TMED3: variants seen among roughly 807,000 people sequenced by gnomAD.
The protein encoded by TMED3 is transmembrane emp24 domain-containing protein 3.
In TMED3, 9 loss-of-function variants were observed where a neutral mutation model predicts 15.0. The observed-to-expected ratio is 0.60, with a 90% confidence interval of 0.36 to 1.04. TMED3 has a LOEUF of 1.04. Among genes scored for constraint, TMED3 ranks in the 50% least tolerant of loss-of-function variants. The pLI, the probability that TMED3 is intolerant of heterozygous loss-of-function variation, is 0.01. For synonymous variants in TMED3, 117 were observed against 121.4 expected (o/e 0.96, Z 0.24); for missense variants, 267 against 278.9 (o/e 0.96, Z 0.30).
At position 79,360,617 on chromosome 15, in the gene TMED3, C is replaced by T. The variant is rs150866760; in HGVS notation, c.417+46612C>T. Among the ~76,000 whole-genome samples, 279 of 152,270 alleles carry T rather than the reference C, an allele frequency of 1.8e-3. 4 individuals are homozygous for T. Among genetic ancestry groups the T allele is most frequent in the African/African-American group, 6.4e-3 (264 of 41,550 alleles). On this transcript the variant is annotated intron_variant, in intron 2 of 2. Coordinates refer to the TMED3 transcript ENST00000424155. The stretch of plus-strand genomic sequence containing the variant: ...ACAGACATCTTTACATATCGTTAGA[C>T]CGCGACATCCCAACAGCAGTGCCTT...
intron 2 of TMED3, among the ~76,000 whole-genome samples, chr15:79,341,859 G>T (rs2058852933): frequency 1.3e-5 from 2 of 152,298 alleles, no homozygotes; most frequent in South Asian, 4.1e-4. Context: ...TGGGGAGGAG[G>T]AGGCGCTTAC....
chr15:79,361,127 T>C (rs553828873), intron 2 of TMED3, among the ~76,000 whole-genome samples: 1 of 152,358 alleles, frequency 6.6e-6, no homozygotes, highest in South Asian at 2.1e-4. Context: ...CCTCCCAAAG[T>C]ACTGGGATTA....
At chr15:79,395,076 TTTC>T (rs1170188155) in intron 2 of TMED3, among the ~76,000 whole-genome samples, 2 of 152,216 alleles carry the variant, frequency 1.3e-5, no homozygotes, top group African/African-American at 2.4e-5. Flanking sequence ...TCTACTCTCT[TTTC>T]TTCTTCTCTG....
Position 79,314,050 on chromosome 15 carries a change from G to T in TMED3, c.417+45G>T, listed in dbSNP as rs188094341. ...TCGGGGCTGCTGAACCCCCTAGCGT[G>T]TTCCTCTTCATTGGCCTCTGTCTAG... On this transcript the variant is annotated intron_variant, in intron 2 of 2. Transcript: ENST00000299705. 2.2e-4 allele frequency: 345 copies of T among 1,603,168 alleles called. 1 individual carries two copies. The East Asian group carries it at 4.7e-3, about 22-fold the overall frequency.
intron 2 of TMED3, among the ~76,000 whole-genome samples, chr15:79,341,680 A>C (rs145331511): frequency 1.3e-5 from 2 of 152,186 alleles, no homozygotes; most frequent in African/African-American, 4.8e-5. Flanking sequence ...AAAAATTCCT[A>C]CTTCACTGGA....
At position 79,322,326 on chromosome 15, in the gene TMED3, T is replaced by C. The variant is rs1373191614; in HGVS notation, c.*112T>C. 1 of 1,506,322 alleles carries C rather than the reference T, an allele frequency of 6.6e-7. No homozygotes were observed. 93.3% of individuals were successfully genotyped at this position (1,506,322 alleles called of 1,614,324 possible). Reference sequence around the variant, plus strand: ...CAGGGTGGAGGCAGAACGATGCTGCTGTGGTAGCCCTTTGCCTTTCATGCC... The same window carrying C: ...CAGGGTGGAGGCAGAACGATGCTGCCGTGGTAGCCCTTTGCCTTTCATGCC... On this transcript the variant is annotated 3_prime_UTR_variant, in exon 3 of 3. Coordinates refer to ENST00000299705, the MANE Select transcript of TMED3 (RefSeq NM_007364.4).
intron 2 of TMED3, among the ~76,000 whole-genome samples, chr15:79,408,737 T>C (rs1893934243): frequency 6.6e-6 from 1 of 152,216 alleles, no homozygotes; most frequent in South Asian, 2.1e-4. Flanking sequence ...GGTTTCATTT[T>C]TCTCACCTTT....
chr15:79,360,400 G>A (rs6495401), intron 2 of TMED3, among the ~76,000 whole-genome samples: 16,984 of 152,170 alleles, frequency 0.11, 1,340 homozygotes, highest in East Asian at 0.41. Context: ...CACTCTTCAG[G>A]GGTCACATAG....
chr15:79,410,506 T>C (rs927973778), intron 2 of TMED3, among the ~76,000 whole-genome samples: 1 of 152,146 alleles, frequency 6.6e-6, no homozygotes, highest in African/African-American at 2.4e-5. Flanking sequence ...CCAGACAGGA[T>C]GTTCACTGCA....
At chr15:79,395,428 G>A (rs986395093) in intron 2 of TMED3, among the ~76,000 whole-genome samples, 32 of 152,090 alleles carry the variant, frequency 2.1e-4, no homozygotes, top group African/African-American at 7.2e-4. Context: ...TGATCCACCC[G>A]CATGGGCCTC....
chr15:79,352,399 G>T (rs967963439), intron 2 of TMED3, among the ~76,000 whole-genome samples: 10 of 152,004 alleles, frequency 6.6e-5, no homozygotes, highest in African/African-American at 2.4e-4. Context: ...CCATTTTTCA[G>T]AAGACAAACT....
At chr15:79,398,510 C>T (rs763840875) in intron 2 of TMED3, among the ~76,000 whole-genome samples, 1 of 152,124 alleles carries the variant, frequency 6.6e-6, no homozygotes, top group Non-Finnish European at 1.5e-5. Flanking sequence ...CCAGAGAGAC[C>T]GTGGTGTAGA....
intron 2 of TMED3, among the ~76,000 whole-genome samples, chr15:79,335,894 T>C (rs962020628): frequency 6.6e-6 from 1 of 152,168 alleles, no homozygotes; most frequent in Admixed American, 6.5e-5. Context: ...CTTAGTGCTT[T>C]TTTGTGTGGC....
intron 2 of TMED3, among the ~76,000 whole-genome samples, chr15:79,381,001 C>T (rs927632226): frequency 2.6e-5 from 4 of 152,076 alleles, no homozygotes; most frequent in African/African-American, 9.7e-5. Context: ...CCAAAAATGC[C>T]ATTTTAAAGA....
At position 79,411,420 on chromosome 15, in the gene TMED3, GA is replaced by G. The variant is rs1247845442; in HGVS notation, c.440del (p.Lys147ArgfsTer36). The G allele has an allele frequency of 8.5e-6, 6 of 702,402 alleles. No individual in the cohort carries two copies. The highest frequency in any genetic ancestry group is 1.6e-5 in the Non-Finnish European group (6 of 384,958). The allele number at this position is 702,402 out of a possible 1,614,324, so 43.5% of individuals were successfully genotyped here. A position where few individuals can be genotyped will look rare whatever the true frequency, so the allele number is the denominator to read the frequency against. ...TGAAGAGATTCAGAGGAGCTTATTGGAAGGAGGTGGACAAGATGGTCGACTA... is the reference window on the plus strand; with the variant it reads ...TGAAGAGATTCAGAGGAGCTTATTGGAGGAGGTGGACAAGATGGTCGACTA... On this transcript the variant is annotated frameshift_variant, in exon 3 of 3. Coordinates refer to the TMED3 transcript ENST00000424155. LOFTEE classifies it high-confidence loss of function.
rs1385660105 is a variant in TMED3 at position 79,313,786 on chromosome 15, C to T, written c.198C>T (p.Asp66=). The T allele has an allele frequency of 1.2e-6, 2 of 1,614,080 alleles. No individual in the cohort carries two copies. The highest frequency in any genetic ancestry group is 2.7e-5 in the African/African-American group (2 of 74,930). The change falls in exon 2 of 3, where the codon GAC becomes GAT. Residue 66 remains aspartate, a synonymous_variant. Transcript: ENST00000299705. Reference sequence around the variant, plus strand: ...TCACTGGAGGCCACTACGATGTTGACTGCTATGTAGAGGACCCCCAGGGGA... The same window carrying T: ...TCACTGGAGGCCACTACGATGTTGATTGCTATGTAGAGGACCCCCAGGGGA... The part of the protein sequence containing the change: ...QVITGGHYDV[D]CYVEDPQGNT...
intron 2 of TMED3, among the ~76,000 whole-genome samples, chr15:79,391,652 T>C (rs557315472): frequency 5.8e-4 from 87 of 149,728 alleles, no homozygotes; most frequent in African/African-American, 2.1e-3. Flanking sequence ...ATGACCTGTC[T>C]TGATGACATC....
intron 2 of TMED3, among the ~76,000 whole-genome samples, chr15:79,331,061 G>A (rs762522829): frequency 2.0e-5 from 3 of 152,178 alleles, no homozygotes; most frequent in Non-Finnish European, 4.4e-5. Flanking sequence ...ACTTCACATG[G>A]TGAAAGCAGG....
At chr15:79,358,334 C>A (rs182535687) in intron 2 of TMED3, among the ~76,000 whole-genome samples, 1 of 152,256 alleles carries the variant, frequency 6.6e-6, no homozygotes, top group African/African-American at 2.4e-5. Flanking sequence ...CACTTCAAAG[C>A]ATAAAACTTT....
Sources: gnomAD v4.1 joint callset for allele counts (sites outside exome capture counted in the v4.1 genomes callset) on GRCh38, gnomAD v4.1.1 for gene constraint, MANE v1.5 for transcripts, NCBI Gene and HGNC (gene_info 2026-07-23, HGNC 2026-07-21) for gene names.